Variants in HCFC1 observed in about 807,000 individuals in gnomAD.
The protein encoded by HCFC1 is host cell factor C1, also known as host cell factor 1.
In HCFC1, 7 loss-of-function variants were observed where a neutral mutation model predicts 105.5. The ratio of observed to expected loss-of-function variants is 0.07; its 90% confidence interval spans 0.04 to 0.12. The LOEUF is 0.12. Among genes scored for constraint, HCFC1 ranks in the 10% least tolerant of loss-of-function variants. The pLI is 1.00. For synonymous variants in HCFC1, 918 were observed against 828.1 expected (o/e 1.11, Z -1.86); for missense variants, 1,065 against 1,823.6 (o/e 0.58, Z 7.58).
Position 153,964,106 on chromosome X carries a change from A to C in HCFC1, c.503+18T>G, listed in dbSNP as rs782285951. 8.5e-7 allele frequency: 1 copy of C among 1,182,320 alleles called. No individual in the cohort carries two copies. The highest frequency in any genetic ancestry group is 1.1e-6 in the Non-Finnish European group (1 of 876,541). On this transcript the variant is annotated intron_variant, in intron 3 of 25. Transcript: ENST00000310441. ...CACACCCACCCGGGGGGTTCCAGAG[A>C]AAAGGACCAAGCCTCACCTTGGAAT... is the stretch of plus-strand genomic sequence containing the variant.
intron 15 of HCFC1, 83 bp from the exon 16 acceptor site, chrX:153,956,494 T>G (rs1489237984): frequency 5.2e-5 from 58 of 1,110,090 alleles, no homozygotes; most frequent in Non-Finnish European, 4.7e-5. Flanking sequence ...TGGGGCACTC[T>G]GGAGCTGCTT....
chrX:153,957,605 C>T (rs1460442154), intron 12 of HCFC1, 72 bp from the exon 13 acceptor site: 6 of 939,438 alleles, frequency 6.4e-6, no homozygotes, highest in Non-Finnish European at 8.9e-6. Flanking sequence ...CTACTCTCCG[C>T]CGGCAGCCTT....
At position 153,971,625 on chromosome X, in the gene HCFC1, T is replaced by G. The variant is rs1010459488; in HGVS notation, c.-785A>C. The stretch of plus-strand genomic sequence containing the variant: ...AGCTCCCCGTTCCCCCCTATTCTCT[T>G]CCTCCTAGGTCAGTTCTTCCACTGC... On this transcript the variant is annotated 5_prime_UTR_variant, in exon 1 of 26. Transcript: ENST00000310441. 6.8e-6 allele frequency: 2 copies of G among 294,154 alleles called. No homozygotes were observed. The highest frequency in any genetic ancestry group is 1.2e-5 in the Non-Finnish European group (2 of 168,246). The allele number at this position is 294,154 out of a possible 1,213,427, so 24.2% of individuals were successfully genotyped here.
chrX:153,949,411 G>C (rs1569546573), intron 25 of HCFC1, 25 bp from the exon 26 acceptor site: 1 of 1,196,064 alleles, frequency 8.4e-7, no homozygotes, highest in Non-Finnish European at 1.1e-6. Context: ...AAAGGAAAGA[G>C]AAAGTTAGTG....
intron 15 of HCFC1, 33 bp downstream of exon 15, chrX:153,956,592 G>A (rs1557115048): frequency 8.3e-7 from 1 of 1,207,605 alleles, no homozygotes; most frequent in Non-Finnish European, 1.1e-6. Context: ...TATAATCTAG[G>A]GGTGGCAGGG....
At chrX:153,961,011 G>A (rs2065424510) in intron 6 of HCFC1, among the ~76,000 whole-genome samples, 2 of 112,321 alleles carry the variant, frequency 1.8e-5, no homozygotes, top group South Asian at 3.6e-4. Context: ...ACTTGCACAC[G>A]GGTGGAGATG....
rs1166224323 is a variant in HCFC1 at position 153,952,223 on chromosome X, G to A, written c.4943-65C>T. On this transcript the variant is annotated intron_variant, in intron 19 of 25. Coordinates refer to ENST00000310441, the MANE Select transcript of HCFC1 (RefSeq NM_005334.3). ...CTGGCCAGAAGCGGGCAGCCCGGGCGGAGGCCCCCAAAGCCTGTCCTAGAG... is the reference window on the plus strand; with the variant it reads ...CTGGCCAGAAGCGGGCAGCCCGGGCAGAGGCCCCCAAAGCCTGTCCTAGAG... The A allele has an allele frequency of 1.4e-5, 15 of 1,079,728 alleles. No homozygotes were observed. In the East Asian group the frequency reaches 2.7e-4, roughly 20 times the overall value. The allele number at this position is 1,079,728 out of a possible 1,213,427, so 89.0% of individuals were successfully genotyped here.
chrX:153,955,468 G>A lies in HCFC1; in HGVS notation c.2931C>T (p.Leu977=). The A allele has an allele frequency of 3.3e-6, 4 of 1,202,799 alleles. No homozygotes were observed. The highest frequency in any genetic ancestry group is 4.5e-6 in the Non-Finnish European group (4 of 890,420). The change falls in exon 17 of 26, where the codon CTC becomes CTT. Residue 977 remains leucine (L), a synonymous_variant. Transcript: ENST00000310441. ...TCGGGGAGGCCAGAATGGACACAGG[G>A]AGGTCATGCACAGGCTGGGCCTCCA... ...SGVEAQPVHD[L]PVSILASPTT...
Position 153,949,290 on chromosome X carries a change from G to A in HCFC1, c.*57C>T, listed in dbSNP as rs985262570. ...CGGGGTGGGAGGGGTGGGCCCTGGC[G>A]GGTGTTCCTGAAGCAGGGGGGTCTG... On this transcript the variant is annotated 3_prime_UTR_variant, in exon 26 of 26. Coordinates refer to ENST00000310441, the MANE Select transcript of HCFC1 (RefSeq NM_005334.3). The A allele has an allele frequency of 9.5e-6, 10 of 1,049,612 alleles. No homozygotes were observed. The highest frequency in any genetic ancestry group is 4.7e-5 in the Admixed American group (2 of 42,763). 86.5% of individuals were successfully genotyped at this position (1,049,612 alleles called of 1,213,427 possible).
At chrX:153,969,649 T>C (rs2065506137) in intron 1 of HCFC1, 1 of 112,252 alleles carries the variant, frequency 8.9e-6, no homozygotes, top group Non-Finnish European at 1.9e-5. Flanking sequence ...AGCAGCAGGC[T>C]TTCTGCCCTA....
intron 17 of HCFC1, 61 bp from the exon 18 acceptor site, chrX:153,953,831 G>A (rs1004039165): frequency 5.5e-6 from 6 of 1,093,496 alleles, no homozygotes; most frequent in Non-Finnish European, 3.7e-6. Flanking sequence ...TACTTGGCTT[G>A]ACCACCACAG....
In HCFC1 at chrX:153,959,980, G is replaced by A; in HGVS notation, c.1266C>T (p.Ala422=). ...CTGGGGCAGGGCTCTTGGGAGGGTTGGCAGGCACAGATGGGACCGGATTGG... is the reference window on the plus strand; with the variant it reads ...CTGGGGCAGGGCTCTTGGGAGGGTTAGCAGGCACAGATGGGACCGGATTGG... The part of the protein sequence containing the change: ...PTPNPVPSVP[A]NPPKSPAPAA... The change falls in exon 8 of 26, where the codon GCC becomes GCT. Residue 422 remains alanine, a synonymous_variant. Coordinates refer to ENST00000310441, the MANE Select transcript of HCFC1 (RefSeq NM_005334.3). The A allele has an allele frequency of 8.3e-7, 1 of 1,211,520 alleles. No individual in the cohort carries two copies. The highest frequency in any genetic ancestry group is 3.0e-5 in the East Asian group (1 of 33,857).
In HCFC1 at chrX:153,953,785, G is replaced by A. The variant is rs1557113405; in HGVS notation, c.4334-15C>T. On this transcript the variant is annotated splice_polypyrimidine_tract_variant and intron_variant, in intron 17 of 25. Coordinates refer to ENST00000310441, the MANE Select transcript of HCFC1 (RefSeq NM_005334.3). Reference sequence around the variant, plus strand: ...AGGTGGGGGGTCTGTGGGGGCGACAGGCAGGCGGCTGCTCAGCAGGAGCCC... The same window carrying A: ...AGGTGGGGGGTCTGTGGGGGCGACAAGCAGGCGGCTGCTCAGCAGGAGCCC... 1.7e-6 allele frequency: 2 copies of A among 1,192,828 alleles called. No homozygotes were observed. Among genetic ancestry groups the A allele is most frequent in the Admixed American group, 2.3e-5 (1 of 44,361 alleles).
chrX:153,949,628 G>C lies in HCFC1; in HGVS notation c.6005-12C>G, dbSNP rs181583112. On this transcript the variant is annotated splice_polypyrimidine_tract_variant and intron_variant, in intron 24 of 25. Coordinates refer to ENST00000310441, the MANE Select transcript of HCFC1 (RefSeq NM_005334.3). ...GTCTTTACTGGTTTCTGGAAGGAAC[G>C]GGAGAGATGCGTGAGCAGCATTGTG... is the stretch of plus-strand genomic sequence containing the variant. 77 of 1,195,762 alleles carry C rather than the reference G, an allele frequency of 6.4e-5. No homozygotes were observed. The Admixed American group carries it at 1.7e-3, about 26-fold the overall frequency.
Position 153,958,199 on chromosome X carries a change from C to T in HCFC1, c.1854G>A (p.Gly618=). 8.3e-7 allele frequency: 1 copy of T among 1,211,980 alleles called. No individual in the cohort carries two copies. The highest frequency in any genetic ancestry group is 1.1e-6 in the Non-Finnish European group (1 of 895,309). The part of the protein sequence containing the change: ...RMLKTAAAQV[G]TSVSSATNTS... ...TGTTGGTGGCGGAGGAAACCGATGT[C>T]CCCACCTGGGCGGCTGCAGTCTTCA... Residue 618 remains glycine, a synonymous_variant, in exon 11 of 26, where the codon GGG becomes GGA. Transcript: ENST00000310441.
chrX:153,953,012 T>C (rs1373219344), intron 18 of HCFC1, 54 bp from the exon 19 acceptor site: 4 of 1,026,857 alleles, frequency 3.9e-6, no homozygotes, highest in Admixed American at 2.6e-5. Context: ...GTGTTGGCTA[T>C]GGTCACTGTT....
In HCFC1 at chrX:153,956,638, C is replaced by T; in HGVS notation, c.2622G>A (p.Val874=). The T allele has an allele frequency of 8.3e-7, 1 of 1,211,955 alleles. No homozygotes were observed. Residue 874 remains valine (V), a synonymous_variant, in exon 15 of 26, where the codon GTG becomes GTA. Transcript: ENST00000310441. ...AVKPAVTTLV[V]KGTTGVTTLG... ...ATGGGTACACACCTGTGGTGCCTTTCACAACCAACGTGGTGACGGCTGGCT... is the reference window on the plus strand; with the variant it reads ...ATGGGTACACACCTGTGGTGCCTTTTACAACCAACGTGGTGACGGCTGGCT...
At chrX:153,964,390 G>T in intron 2 of HCFC1, 106 bp from the exon 3 acceptor site, 1 of 931,501 alleles carries the variant, frequency 1.1e-6, no homozygotes, top group Non-Finnish European at 1.5e-6. Context: ...TGAGCGAGGT[G>T]CCTTGCTGGA....
chrX:153,962,356 G>T (rs782468802), intron 4 of HCFC1, 50 bp from the exon 5 acceptor site: 35 of 920,569 alleles, frequency 3.8e-5, no homozygotes, highest in Non-Finnish European at 5.5e-5. Flanking sequence ...CTGCACACAG[G>T]TCGTTCCCTG....
Sources: gnomAD v4.1 joint callset for allele counts (sites outside exome capture counted in the v4.1 genomes callset) on GRCh38, gnomAD v4.1.1 for gene constraint, MANE v1.5 for transcripts, NCBI Gene and HGNC (gene_info 2026-07-23, HGNC 2026-07-21) for gene names.